SGCD: variants seen among roughly 807,000 people sequenced by gnomAD.
SGCD encodes sarcoglycan delta.
In SGCD, 18 loss-of-function variants were observed where a neutral mutation model predicts 36.6. That is an observed-to-expected ratio of 0.49 (90% CI 0.34 to 0.73). The LOEUF (loss-of-function observed/expected upper bound fraction) is 0.73. Among genes scored for constraint, SGCD ranks in the 30% least tolerant of loss-of-function variants. The probability of loss-of-function intolerance (pLI) is 0.01; values close to 1 mark genes in which losing one functional copy is unlikely to be tolerated. For missense variants in SGCD, 387 were observed against 346.7 expected, an observed-to-expected ratio of 1.12 and a Z score of -0.92; for synonymous variants, 133 against 130.6, an observed-to-expected ratio of 1.02 and a Z score of -0.12.
At chr5:156,040,691 CT>C (rs1759613052) in intron 1 of SGCD, among the ~76,000 whole-genome samples, 4 of 152,326 alleles carry the variant, frequency 2.6e-5, no homozygotes, top group African/African-American at 9.6e-5. Flanking sequence ...TCTCATCCAG[CT>C]GTTGGTGACC....
chr5:156,516,150 C>G (rs904504256), intron 4 of SGCD, among the ~76,000 whole-genome samples: 1 of 152,266 alleles, frequency 6.6e-6, no homozygotes, highest in African/African-American at 2.4e-5. Flanking sequence ...ACAAAACACC[C>G]GCTCTGCCAA....
At chr5:156,567,840 G>T (rs142716122) in intron 4 of SGCD, among the ~76,000 whole-genome samples, 1 of 152,188 alleles carries the variant, frequency 6.6e-6, no homozygotes, top group African/African-American at 2.4e-5. Flanking sequence ...TGGTCAGTCC[G>T]TGATGGATGC....
intron 1 of SGCD, among the ~76,000 whole-genome samples, chr5:156,329,150 G>A (rs544999991): frequency 1.3e-5 from 2 of 152,304 alleles, no homozygotes; most frequent in East Asian, 1.9e-4. Context: ...AGTAAGCAGC[G>A]GAAGGGGGAA....
intron 3 of SGCD, among the ~76,000 whole-genome samples, chr5:156,500,192 T>A (rs1474755340): frequency 1.3e-5 from 2 of 152,122 alleles, no homozygotes; most frequent in Non-Finnish European, 2.9e-5. Context: ...TAGGAACAGG[T>A]ATAGATGTTA....
chr5:156,273,889 C>A (rs1021167008), intron 3 of SGCD, among the ~76,000 whole-genome samples: 3 of 152,040 alleles, frequency 2.0e-5, no homozygotes, highest in Admixed American at 2.0e-4. Context: ...TTGTTGGGAG[C>A]GTAGGTAAAT....
chr5:156,167,602 T>C (rs984094017), intron 3 of SGCD, among the ~76,000 whole-genome samples: 2 of 152,260 alleles, frequency 1.3e-5, no homozygotes, highest in African/African-American at 2.4e-5. Context: ...GGCAATGAGT[T>C]CACATGATAT....
chr5:155,788,713 G>A, the SGCD span, among the ~76,000 whole-genome samples: 1 of 152,092 alleles, frequency 6.6e-6, no homozygotes, highest in Admixed American at 6.6e-5. Context: ...TGTGGACAAT[G>A]GAAATATAAA....
At chr5:156,015,603 A>G (rs373405289) in intron 1 of SGCD, among the ~76,000 whole-genome samples, 2 of 151,812 alleles carry the variant, frequency 1.3e-5, no homozygotes, top group South Asian at 2.1e-4. Context: ...ATATATATGT[A>G]TGCATGTGTG....
At chr5:155,888,065 A>G (rs1326962364) in intron 1 of SGCD, among the ~76,000 whole-genome samples, 7 of 152,192 alleles carry the variant, frequency 4.6e-5, no homozygotes, top group Non-Finnish European at 8.8e-5. Context: ...AGCTCTGTTC[A>G]CCACTATGAG....
the SGCD span, among the ~76,000 whole-genome samples, chr5:155,861,167 C>T: frequency 1.3e-5 from 2 of 152,228 alleles, no homozygotes; most frequent in East Asian, 1.9e-4. Flanking sequence ...GCCTGCCCCA[C>T]GGTTTAGTGG....
chr5:156,477,616 T>A (rs1755239181), intron 3 of SGCD, among the ~76,000 whole-genome samples: 1 of 151,452 alleles, frequency 6.6e-6, no homozygotes, highest in Non-Finnish European at 1.5e-5. Flanking sequence ...TCTCATGAGC[T>A]GTTGCCTTGA....
chr5:155,734,103 A>G, the SGCD span, among the ~76,000 whole-genome samples: 1 of 147,212 alleles, frequency 6.8e-6, no homozygotes, highest in Admixed American at 6.8e-5. Context: ...TAATATTATT[A>G]ATTATATTAA....
At chr5:155,786,688 A>C in the SGCD span, among the ~76,000 whole-genome samples, 3 of 152,172 alleles carry the variant, frequency 2.0e-5, no homozygotes, top group Non-Finnish European at 2.9e-5. Context: ...ACACACCTAA[A>C]GAGAGAACAT....
intron 7 of SGCD, among the ~76,000 whole-genome samples, chr5:156,731,611 C>T (rs1474615449): frequency 1.3e-5 from 2 of 149,276 alleles, no homozygotes; most frequent in Non-Finnish European, 3.0e-5. Context: ...GCTCTTCTAC[C>T]AGTAGCATGC....
chr5:156,335,658 C>A (rs1768311159), intron 2 of SGCD, among the ~76,000 whole-genome samples: 1 of 152,132 alleles, frequency 6.6e-6, no homozygotes, highest in Admixed American at 6.5e-5. Context: ...CACTCCATCC[C>A]CCTCCTGCCC....
intron 3 of SGCD, among the ~76,000 whole-genome samples, chr5:156,126,281 T>C (rs1294074178): frequency 1.3e-5 from 2 of 152,184 alleles, no homozygotes; most frequent in African/African-American, 2.4e-5. Context: ...GGATTTTGAT[T>C]ACTGAGGTTT....
the SGCD span, among the ~76,000 whole-genome samples, chr5:155,844,456 T>TGTGTGTGTGTGTGTGTGA: frequency 6.8e-6 from 1 of 148,070 alleles, no homozygotes; most frequent in Non-Finnish European, 1.5e-5. Flanking sequence ...TGTGTGTGTG[T>TGTGTGTGTGTGTGTGTGA]TATAAACAAG....
chr5:156,610,711 C>T lies in SGCD; in HGVS notation c.502+15660C>T, dbSNP rs536850014. Among the ~76,000 whole-genome samples the T allele has an allele frequency of 3.3e-5, 5 of 152,346 alleles. No individual in the cohort carries two copies. In the South Asian group the frequency reaches 8.3e-4, roughly 25 times the overall value. On this transcript the variant is annotated intron_variant, in intron 6 of 8. Coordinates refer to ENST00000337851, the MANE Select transcript of SGCD (RefSeq NM_000337.6). Reference sequence around the variant, plus strand: ...CCACCCAGTTCAAGCTTCCTGGCCACTTTGGTTACTTACTCAAGCCTCGGC... The same window carrying T: ...CCACCCAGTTCAAGCTTCCTGGCCATTTTGGTTACTTACTCAAGCCTCGGC...
chr5:156,174,212 A>G (rs1763411940), intron 3 of SGCD, among the ~76,000 whole-genome samples: 1 of 152,240 alleles, frequency 6.6e-6, no homozygotes, highest in Non-Finnish European at 1.5e-5. Context: ...AGGTACTTGC[A>G]GATGAAGATA....
Sources: gnomAD v4.1 joint callset for allele counts (sites outside exome capture counted in the v4.1 genomes callset) on GRCh38, gnomAD v4.1.1 for gene constraint, MANE v1.5 for transcripts, NCBI Gene and HGNC (gene_info 2026-07-23, HGNC 2026-07-21) for gene names.